PHF10: variants seen among roughly 807,000 people sequenced by gnomAD.
The protein encoded by PHF10 is PHD finger protein 10, also known as BRG1-associated factor 45a.
Under a neutral mutation model 68.5 loss-of-function variants are expected in PHF10, and 51 were observed. That is an observed-to-expected ratio of 0.74 (90% CI 0.59 to 0.94). The LOEUF is 0.94. Ranked by LOEUF, PHF10 falls within the 40% of genes least tolerant of loss-of-function variation. The probability of loss-of-function intolerance (pLI) is 0.00; values close to 1 mark genes in which losing one functional copy is unlikely to be tolerated. For synonymous variants in PHF10, 204 were observed against 203.5 expected, an observed-to-expected ratio of 1.00 and a Z score of -0.02; for missense variants, 460 against 602.6, an observed-to-expected ratio of 0.76 and a Z score of 2.48.
At chr6:169,713,328 G>C (rs1455049866) in intron 7 of PHF10, among the ~76,000 whole-genome samples, 1 of 152,246 alleles carries the variant, frequency 6.6e-6, no homozygotes, top group African/African-American at 2.4e-5. Context: ...GCCGGGTGCA[G>C]TGGCTCACGC....
intron 6 of PHF10, among the ~76,000 whole-genome samples, chr6:169,715,313 G>A (rs1466526773): frequency 6.6e-6 from 1 of 152,144 alleles, no homozygotes; most frequent in African/African-American, 2.4e-5. Flanking sequence ...GTATTATTAA[G>A]CACACCATTA....
chr6:169,715,587 C>CA, intron 6 of PHF10, 121 bp downstream of exon 6: 11 of 901,380 alleles, frequency 1.2e-5, no homozygotes, highest in African/African-American at 1.0e-4. Context: ...AACAAACAAA[C>CA]AAACAAAAAA....
chr6:169,713,584 G>A (rs879547316), intron 7 of PHF10, among the ~76,000 whole-genome samples: 37 of 145,018 alleles, frequency 2.6e-4, no homozygotes, highest in African/African-American at 6.9e-4. Context: ...GGGCGACAGC[G>A]TGAGACTCCA....
chr6:169,706,731 C>CACACAT, intron 9 of PHF10, among the ~76,000 whole-genome samples: 1 of 26,848 alleles, frequency 3.7e-5, no homozygotes, highest in Admixed American at 4.5e-4. Flanking sequence ...CATACATACA[C>CACACAT]ACACACACAC....
At chr6:169,714,664 G>A in intron 7 of PHF10, 69 bp downstream of exon 7, 1 of 789,340 alleles carries the variant, frequency 1.3e-6, no homozygotes, top group Non-Finnish European at 2.3e-6. Flanking sequence ...TTGTTAGGAG[G>A]CAAGTACAAA....
chr6:169,710,530 A>T (rs979848816), intron 8 of PHF10, 139 bp from the exon 9 acceptor site: 1 of 690,000 alleles, frequency 1.4e-6, no homozygotes, highest in Non-Finnish European at 2.5e-6. Context: ...TCTAAATGTA[A>T]GAAAGCTTTT....
intron 9 of PHF10, 86 bp downstream of exon 9, chr6:169,710,150 G>T: frequency 1.0e-6 from 1 of 984,722 alleles, no homozygotes; most frequent in Non-Finnish European, 1.5e-6. Flanking sequence ...GCAGGCAGAA[G>T]CTCCACAATC....
intron 1 of PHF10, among the ~76,000 whole-genome samples, chr6:169,722,753 A>C (rs1360932804): frequency 6.6e-6 from 1 of 152,198 alleles, no homozygotes; most frequent in African/African-American, 2.4e-5. Context: ...CAAACATACT[A>C]AATCAGAGAT....
At chr6:169,712,609 T>C (rs1585301028) in intron 7 of PHF10, 70 bp from the exon 8 acceptor site, 5 of 1,350,110 alleles carry the variant, frequency 3.7e-6, no homozygotes, top group African/African-American at 1.5e-5. Context: ...CTTTGACCTA[T>C]GAAGATAGCC....
chr6:169,710,482 G>A, intron 8 of PHF10, 91 bp from the exon 9 acceptor site: 1 of 904,188 alleles, frequency 1.1e-6, no homozygotes, highest in Non-Finnish European at 1.8e-6. Flanking sequence ...TTCAAAGAAA[G>A]TTTTAAAGCT....
At chr6:169,716,121 A>G (rs1386291123) in intron 4 of PHF10, 33 bp from the exon 5 acceptor site, 1 of 1,460,690 alleles carries the variant, frequency 6.8e-7, no homozygotes, top group East Asian at 2.3e-5. Context: ...AAAATAAAGA[A>G]GCTCTTTTAA....
rs775760779 is a variant in PHF10, at chr6:169,710,195, T to C, written c.1113+41A>G. 18 of 1,458,590 alleles carry C rather than the reference T, an allele frequency of 1.2e-5. 1 individual carries two copies. The South Asian group carries it at 2.3e-4, about 18-fold the overall frequency. The allele number at this position is 1,458,590 out of a possible 1,614,324, so 90.4% of individuals were successfully genotyped here. On this transcript the variant is annotated intron_variant, in intron 9 of 11. Coordinates refer to ENST00000339209, the MANE Select transcript of PHF10 (RefSeq NM_018288.4). ...AAGTTAAAATATTTCAGGGAGAGGC[T>C]GGTCAGTAAAGAAGCTGAGTCAGGG...
rs774469356 is a variant in PHF10, at chr6:169,717,882, T to A, written c.350A>T (p.His117Leu). The A allele has an allele frequency of 6.0e-5, 94 of 1,566,942 alleles. No individual in the cohort carries two copies. Among genetic ancestry groups the A allele is most frequent in the Non-Finnish European group, 1.7e-6 (2 of 1,143,124 alleles). Residue 117 changes from histidine to leucine, a missense_variant, in exon 4 of 12, where the codon CAC (histidine) becomes CTC (leucine). By Grantham distance (99) the His-to-Leu change is moderately conservative. Transcript: ENST00000339209. ...CTCTCTCAGGTAGAGTTTCTCCTTGTGAGACAAATCTCGTCGCTCTAAATC... is the reference window on the plus strand; with the variant it reads ...CTCTCTCAGGTAGAGTTTCTCCTTGAGAGACAAATCTCGTCGCTCTAAATC... ...YPDLERRDLS[H>L]KEKLYLRELN... is the part of the protein sequence containing the mutation.
rs1255314985 is a variant in PHF10, at chr6:169,723,729, C to G, written c.87+116G>C. 50 of 286,930 alleles carry G rather than the reference C, an allele frequency of 1.7e-4. No homozygotes were observed. The East Asian group carries it at 5.6e-3, about 32-fold the overall frequency. 17.8% of individuals were successfully genotyped at this position (286,930 alleles called of 1,614,324 possible). On this transcript the variant is annotated intron_variant, in intron 1 of 11. Coordinates refer to ENST00000339209, the MANE Select transcript of PHF10 (RefSeq NM_018288.4). Reference sequence around the variant, plus strand: ...CCACCCCCGGTCTCAGGCGCGGCGCCCGGCCTGGGCCCACGCCCCCGAGAC... The same window carrying G: ...CCACCCCCGGTCTCAGGCGCGGCGCGCGGCCTGGGCCCACGCCCCCGAGAC...
At chr6:169,723,673 G>A (rs974801769) in intron 1 of PHF10, among the ~76,000 whole-genome samples, 172 bp downstream of exon 1, 9 of 151,708 alleles carry the variant, frequency 5.9e-5, no homozygotes, top group African/African-American at 2.2e-4. Flanking sequence ...GCTAGAGGCC[G>A]CGGGCTCACC....
chr6:169,717,883 G>T lies in PHF10; in HGVS notation c.349C>A (p.His117Asn). The part of the protein sequence containing the change: ...YPDLERRDLS[H>N]KEKLYLRELN... ...TCTCTCAGGTAGAGTTTCTCCTTGTGAGACAAATCTCGTCGCTCTAAATCT... is the reference window on the plus strand; with the variant it reads ...TCTCTCAGGTAGAGTTTCTCCTTGTTAGACAAATCTCGTCGCTCTAAATCT... The change falls in exon 4 of 12, where the codon CAC (histidine) becomes AAC (asparagine). Residue 117 changes from histidine to asparagine, a missense_variant. Transcript: ENST00000339209. 1 of 1,563,182 alleles carries T rather than the reference G, an allele frequency of 6.4e-7. No individual in the cohort carries two copies. The highest frequency in any genetic ancestry group is 8.8e-7 in the Non-Finnish European group (1 of 1,140,126).
At chr6:169,712,644 GACTTTTGAAA>G in intron 7 of PHF10, 105 bp from the exon 8 acceptor site, 1 of 928,426 alleles carries the variant, frequency 1.1e-6, no homozygotes, top group Non-Finnish European at 1.6e-6. Flanking sequence ...TAACCCCGAA[GACTTTTGAAA>G]ACTAGAGTAC....
rs1334131809 is a variant in PHF10 at position 169,710,287 on chromosome 6, T to C, written c.1062A>G (p.Arg354=). The change falls in exon 9 of 12, where the codon AGA becomes AGG. Residue 354 remains arginine, a synonymous_variant. Transcript: ENST00000339209. ...QKSKDKAATP[R]KDGPKRSVLS... ...GTACAGAACGTTTGGGACCATCTTT[T>C]CTTGGAGTGGCAGCTTTGTCTTTTG... 3 of 1,613,136 alleles carry C rather than the reference T, an allele frequency of 1.9e-6. No individual in the cohort carries two copies. Among genetic ancestry groups the C allele is most frequent in the Non-Finnish European group, 2.5e-6 (3 of 1,179,564 alleles).
intron 1 of PHF10, among the ~76,000 whole-genome samples, chr6:169,723,048 G>C (rs541025875): frequency 6.6e-6 from 1 of 152,244 alleles, no homozygotes; most frequent in Non-Finnish European, 1.5e-5. Flanking sequence ...GCGCAGCCCG[G>C]CTAGGCTGCT....
Sources: gnomAD v4.1 joint callset for allele counts (sites outside exome capture counted in the v4.1 genomes callset) on GRCh38, gnomAD v4.1.1 for gene constraint, MANE v1.5 for transcripts, NCBI Gene and HGNC (gene_info 2026-07-23, HGNC 2026-07-21) for gene names.